TTLL11: variants seen among roughly 807,000 people sequenced by gnomAD.
The protein encoded by TTLL11 is tubulin tyrosine ligase like 11.
Under a neutral mutation model 51.7 loss-of-function variants are expected in TTLL11, and 42 were observed. The observed-to-expected ratio is 0.81, with a 90% CI of 0.64 to 1.05. The LOEUF (loss-of-function observed/expected upper bound fraction) is 1.05, where lower values mean the gene tolerates loss of function less well. TTLL11 is among the 50% of genes least tolerant of loss of function. TTLL11 has a pLI of 0.00. For missense variants in TTLL11, 799 were observed against 940.4 expected, an observed-to-expected ratio of 0.85 and a Z score of 1.97; for synonymous variants, 381 against 383.5, an observed-to-expected ratio of 0.99 and a Z score of 0.08.
intron 1 of TTLL11, among the ~76,000 whole-genome samples, chr9:122,072,613 C>T (rs1358839167): frequency 6.6e-6 from 1 of 152,156 alleles, no homozygotes; most frequent in Non-Finnish European, 1.5e-5. Context: ...CACTGCACTC[C>T]AGCCTGGACA....
At chr9:122,012,120 ATTTC>A (rs1326076029) in intron 3 of TTLL11, among the ~76,000 whole-genome samples, 3 of 152,152 alleles carry the variant, frequency 2.0e-5, no homozygotes, top group African/African-American at 7.2e-5. Flanking sequence ...AATAGGAGAG[ATTTC>A]TTTCTTTCTT....
intron 4 of TTLL11, among the ~76,000 whole-genome samples, chr9:121,988,534 AC>A (rs1017613283): frequency 6.6e-6 from 1 of 151,060 alleles, no homozygotes; most frequent in African/African-American, 2.4e-5. Flanking sequence ...TCCACCTGGA[AC>A]CCTTTGCCTC....
At chr9:121,827,454 C>G (rs1836847642) in intron 8 of TTLL11, among the ~76,000 whole-genome samples, 1 of 152,164 alleles carries the variant, frequency 6.6e-6, no homozygotes, top group South Asian at 2.1e-4. Flanking sequence ...AGGGCTCGAC[C>G]CCAGCTCTGG....
intron 6 of TTLL11, among the ~76,000 whole-genome samples, chr9:121,883,868 G>A (rs1838892446): frequency 6.6e-6 from 1 of 152,178 alleles, no homozygotes; most frequent in Non-Finnish European, 1.5e-5. Flanking sequence ...GAGAGCTGCA[G>A]GGAGGATGAA....
intron 1 of TTLL11, among the ~76,000 whole-genome samples, chr9:122,043,894 C>T (rs185406850): frequency 1.3e-5 from 2 of 151,934 alleles, no homozygotes; most frequent in African/African-American, 4.8e-5. Flanking sequence ...TTTTAGGGTA[C>T]ATGTGCACAA....
intron 8 of TTLL11, among the ~76,000 whole-genome samples, chr9:121,837,875 C>T (rs183024627): frequency 5.3e-4 from 80 of 152,358 alleles, no homozygotes; most frequent in African/African-American, 1.8e-3. Context: ...CAGCATGTGA[C>T]CACGTGGAAG....
rs1846298296 is a variant in TTLL11, at chr9:122,092,785, C to T, written c.364G>A (p.Glu122Lys). The T allele has an allele frequency of 6.5e-7, 1 of 1,540,536 alleles. No homozygotes were observed. The highest frequency in any genetic ancestry group is 1.4e-5 in the African/African-American group (1 of 73,226). The change falls in exon 1 of 9, where the codon GAG becomes AAG. Residue 122 changes from glutamate (E) to lysine (K), a missense_variant. By Grantham distance (56) the Glu-to-Lys change is moderately conservative. Coordinates refer to ENST00000321582, the MANE Select transcript of TTLL11 (RefSeq NM_001139442.2). ...GTGACCGGCCGCTGGGAGCCGTTCT[C>T]GCCGGAACCGTGGCCCGAGCTCCGC... ...CKRSSGHGSGENGSQRPVTVD... is the reference protein window; with the variant it reads ...CKRSSGHGSGKNGSQRPVTVD...
intron 6 of TTLL11, among the ~76,000 whole-genome samples, chr9:121,972,321 G>T (rs1434702619): frequency 6.6e-6 from 1 of 152,236 alleles, no homozygotes; most frequent in East Asian, 1.9e-4. Context: ...TTTTATTGCA[G>T]TAATTCTGAC....
At chr9:121,967,214 T>C (rs1165947401) in intron 6 of TTLL11, among the ~76,000 whole-genome samples, 4 of 11,806 alleles carry the variant, frequency 3.4e-4, no homozygotes, top group Non-Finnish European at 1.0e-3. Context: ...CGGGAGATTT[T>C]TTTTTTTTTT....
chr9:121,882,084 G>A (rs567008586), intron 6 of TTLL11, among the ~76,000 whole-genome samples: 1 of 152,318 alleles, frequency 6.6e-6, no homozygotes, highest in East Asian at 1.9e-4. Context: ...TACCTGGAAC[G>A]TGGCAAGCAC....
rs143967176 is a variant in TTLL11, at chr9:121,967,475, G to A, written c.1481+6534C>T. Among the ~76,000 whole-genome samples, 601 of 152,082 alleles carry A rather than the reference G, an allele frequency of 4.0e-3. 4 individuals are homozygous for A. The highest frequency in any genetic ancestry group is 0.014 in the African/African-American group (572 of 41,470). On this transcript the variant is annotated intron_variant, in intron 6 of 8. Coordinates refer to ENST00000321582, the MANE Select transcript of TTLL11 (RefSeq NM_001139442.2). ...GCTGACCTTGTGATCCACCCGCTTC[G>A]GCCTCCCAAGGTTCTGGGATTACAG...
At chr9:121,840,867 C>T (rs1837326664) in intron 8 of TTLL11, among the ~76,000 whole-genome samples, 1 of 152,232 alleles carries the variant, frequency 6.6e-6, no homozygotes, top group Non-Finnish European at 1.5e-5. Context: ...ATTCAATAAG[C>T]TTTCCCTGTG....
At chr9:121,950,691 G>C (rs2131600806) in intron 6 of TTLL11, among the ~76,000 whole-genome samples, 1 of 152,214 alleles carries the variant, frequency 6.6e-6, no homozygotes, top group South Asian at 2.1e-4. Flanking sequence ...ATCACTGCCA[G>C]GAAAAGGAGG....
At chr9:122,049,229 G>A (rs188291378) in intron 1 of TTLL11, among the ~76,000 whole-genome samples, 1 of 152,214 alleles carries the variant, frequency 6.6e-6, no homozygotes, top group East Asian at 1.9e-4. Flanking sequence ...CTATGTCTAT[G>A]TGTTAAACAC....
intron 4 of TTLL11, among the ~76,000 whole-genome samples, chr9:121,987,700 A>G (rs1263856744): frequency 6.6e-6 from 1 of 152,256 alleles, no homozygotes; most frequent in South Asian, 2.1e-4. Context: ...CATCCTTGCC[A>G]TTCCGGCTCC....
chr9:121,902,260 C>T (rs1255104573), intron 6 of TTLL11, among the ~76,000 whole-genome samples: 3 of 152,132 alleles, frequency 2.0e-5, no homozygotes, highest in Non-Finnish European at 4.4e-5. Flanking sequence ...AAGCTTTTTC[C>T]TCCACCCAAA....
At chr9:121,917,570 AAAGAAAGG>A (rs1840381758) in intron 6 of TTLL11, among the ~76,000 whole-genome samples, 2 of 149,416 alleles carry the variant, frequency 1.3e-5, no homozygotes, top group Admixed American at 6.7e-5. Flanking sequence ...AGAAAGAAAG[AAAGAAAGG>A]AAGGAAAAGA....
intron 3 of TTLL11, among the ~76,000 whole-genome samples, chr9:122,020,969 T>A (rs893555854): frequency 6.6e-6 from 1 of 152,238 alleles, no homozygotes; most frequent in Non-Finnish European, 1.5e-5. Flanking sequence ...GTAGTCTAGA[T>A]AAAAACACTC....
intron 8 of TTLL11, among the ~76,000 whole-genome samples, chr9:121,851,452 A>T (rs997064271): frequency 6.6e-6 from 1 of 152,242 alleles, no homozygotes; most frequent in African/African-American, 2.4e-5. Flanking sequence ...CTATCTGCTC[A>T]ATTTTTTCTG....
Sources: allele counts gnomAD v4.1 joint callset (sites outside exome capture counted in the v4.1 genomes callset), GRCh38; gene constraint gnomAD v4.1.1; transcripts MANE v1.5; gene names NCBI Gene and HGNC (gene_info 2026-07-23, HGNC 2026-07-21).